The following CTNNA2 variants were observed in gnomAD, a reference collection of about 807,000 sequenced individuals.
CTNNA2 encodes the protein catenin alpha 2, also known as catenin alpha-2.
Under a neutral mutation model 101.0 loss-of-function variants are expected in CTNNA2, and 42 were observed. The ratio of observed to expected loss-of-function variants is 0.42; its 90% CI spans 0.32 to 0.54. CTNNA2 has a LOEUF of 0.54. CTNNA2 is among the 20% of genes least tolerant of loss of function. The pLI is 0.14. For missense variants in CTNNA2, 871 were observed against 1,223.1 expected (o/e 0.71, Z 4.29); for synonymous variants, 450 against 456.4 (o/e 0.99, Z 0.18).
chr2:80,382,890 C>T (rs983802761), intron 7 of CTNNA2, among the ~76,000 whole-genome samples: 1 of 152,100 alleles, frequency 6.6e-6, no homozygotes, highest in African/African-American at 2.4e-5. Flanking sequence ...CTTTTAATTT[C>T]ATTGAAATTT....
At chr2:79,970,310 G>A (rs987365008) in intron 7 of CTNNA2, among the ~76,000 whole-genome samples, 8 of 152,104 alleles carry the variant, frequency 5.3e-5, no homozygotes, top group African/African-American at 9.7e-5. Flanking sequence ...TCTACTCCAC[G>A]GGTATGAGGC....
chr2:80,321,215 G>C (rs772074488), intron 7 of CTNNA2, among the ~76,000 whole-genome samples: 1 of 152,082 alleles, frequency 6.6e-6, no homozygotes, highest in East Asian at 1.9e-4. Context: ...TAAATATTTA[G>C]TGTATAGATT....
intron 18 of CTNNA2, among the ~76,000 whole-genome samples, chr2:80,634,737 A>C (rs1041843701): frequency 2.6e-5 from 4 of 152,252 alleles, no homozygotes; most frequent in African/African-American, 9.6e-5. Flanking sequence ...AGTGGATAAG[A>C]GTGAAGAAGA....
At chr2:79,559,657 T>C (rs902339153) in intron 1 of CTNNA2, among the ~76,000 whole-genome samples, 1 of 151,908 alleles carries the variant, frequency 6.6e-6, no homozygotes, top group Non-Finnish European at 1.5e-5. Context: ...GATGATCAAA[T>C]GCACTTTGGA....
intron 3 of CTNNA2, among the ~76,000 whole-genome samples, chr2:79,854,003 A>G (rs1680934406): frequency 6.6e-6 from 1 of 152,140 alleles, no homozygotes; most frequent in Admixed American, 6.5e-5. Flanking sequence ...TATTACTGGC[A>G]TGCATCATTC....
intron 4 of CTNNA2, among the ~76,000 whole-genome samples, chr2:79,409,946 T>C (rs1678389451): frequency 6.6e-6 from 1 of 152,160 alleles, no homozygotes; most frequent in African/African-American, 2.4e-5. Context: ...TGGAATGTTC[T>C]TCCATGTCTT....
intron 4 of CTNNA2, among the ~76,000 whole-genome samples, chr2:79,392,789 T>C (rs1310940961): frequency 6.6e-6 from 1 of 152,206 alleles, no homozygotes; most frequent in Non-Finnish European, 1.5e-5. Flanking sequence ...TCCTTATTAC[T>C]CTTAATGATA....
In CTNNA2 at chr2:79,625,865, G is replaced by GT. The variant is rs1679271124; in HGVS notation, c.-5-25686dup. Among the ~76,000 whole-genome samples, 3 of 152,212 alleles carry GT rather than the reference G, an allele frequency of 2.0e-5. No homozygotes were observed. In the South Asian group the frequency reaches 6.2e-4, roughly 32 times the overall value. ...AATTGAGAATAATGTTTAGCTCAAG[G>GT]TAGGTATTTGCCCTTTGTAAATAGT... is the stretch of plus-strand genomic sequence containing the variant. On this transcript the variant is annotated intron_variant, in intron 1 of 18. Coordinates refer to ENST00000402739, the MANE Select transcript of CTNNA2 (RefSeq NM_001282597.3).
At chr2:80,263,808 T>G (rs2149127410) in intron 7 of CTNNA2, among the ~76,000 whole-genome samples, 1 of 152,344 alleles carries the variant, frequency 6.6e-6, no homozygotes. Flanking sequence ...AGTCTAACAC[T>G]TGAATATTGG....
At chr2:79,469,344 C>T (rs1291819113) in intron 4 of CTNNA2, among the ~76,000 whole-genome samples, 1 of 152,118 alleles carries the variant, frequency 6.6e-6, no homozygotes, top group Non-Finnish European at 1.5e-5. Context: ...AGTTCAATCT[C>T]TGAATAGACC....
At chr2:79,807,368 A>G (rs907337300) in intron 3 of CTNNA2, among the ~76,000 whole-genome samples, 1 of 152,196 alleles carries the variant, frequency 6.6e-6, no homozygotes, top group African/African-American at 2.4e-5. Context: ...AAAATCAAGC[A>G]TATGGTTTCT....
chr2:79,384,883 A>G (rs1462253887), intron 4 of CTNNA2, among the ~76,000 whole-genome samples: 1 of 152,230 alleles, frequency 6.6e-6, no homozygotes, highest in Non-Finnish European at 1.5e-5. Flanking sequence ...TCGATATCAC[A>G]TAAAAATCAC....
At chr2:80,565,168 T>A (rs1327185522) in intron 12 of CTNNA2, among the ~76,000 whole-genome samples, 1 of 152,192 alleles carries the variant, frequency 6.6e-6, no homozygotes, top group South Asian at 2.1e-4. Context: ...TGAATTGTTT[T>A]GTTTTTATTT....
At chr2:80,082,420 C>T (rs1158736447) in intron 7 of CTNNA2, among the ~76,000 whole-genome samples, 1 of 152,084 alleles carries the variant, frequency 6.6e-6, no homozygotes, top group East Asian at 1.9e-4. Context: ...TGAAACAGTA[C>T]ATTTCACCAA....
At chr2:79,732,012 C>G (rs1477063385) in intron 2 of CTNNA2, among the ~76,000 whole-genome samples, 1 of 151,844 alleles carries the variant, frequency 6.6e-6, no homozygotes, top group Non-Finnish European at 1.5e-5. Context: ...ATACATTGGA[C>G]TATATACATA....
chr2:79,363,939 T>G (rs1677687485), intron 3 of CTNNA2, among the ~76,000 whole-genome samples: 1 of 152,094 alleles, frequency 6.6e-6, no homozygotes, highest in South Asian at 2.1e-4. Flanking sequence ...TCATTGAAAA[T>G]AGCTAACTCC....
chr2:80,299,459 A>G (rs1407107159), intron 7 of CTNNA2: 2 of 152,088 alleles, frequency 1.3e-5, no homozygotes, highest in East Asian at 3.9e-4. Flanking sequence ...TTGCTTGCCT[A>G]CAAAGACACA....
chr2:79,892,102 C>A (rs1684348868), intron 6 of CTNNA2, among the ~76,000 whole-genome samples: 1 of 152,012 alleles, frequency 6.6e-6, no homozygotes, highest in Non-Finnish European at 1.5e-5. Flanking sequence ...TACACACACT[C>A]CTTAACTATT....
At chr2:79,630,729 C>A (rs560308674) in intron 1 of CTNNA2, among the ~76,000 whole-genome samples, 4 of 152,236 alleles carry the variant, frequency 2.6e-5, no homozygotes, top group Non-Finnish European at 5.9e-5. Context: ...ATCTTTTGCT[C>A]CTTTGGACAT....
Sources: allele counts gnomAD v4.1 joint callset (sites outside exome capture counted in the v4.1 genomes callset), GRCh38; gene constraint gnomAD v4.1.1; transcripts MANE v1.5; gene names NCBI Gene and HGNC (gene_info 2026-07-23, HGNC 2026-07-21).